The following ERC1 variants were observed in gnomAD, a reference collection of about 807,000 sequenced individuals.
ERC1 encodes the protein ELKS/RAB6-interacting/CAST family member 1.
ERC1 carries 56 observed loss-of-function variants against 132.0 expected under a neutral mutation model. The ratio of observed to expected loss-of-function variants is 0.42; its 90% CI spans 0.34 to 0.53. ERC1 has a LOEUF of 0.53. ERC1 is among the 20% of genes least tolerant of loss of function. The pLI, the probability that ERC1 is intolerant of heterozygous loss-of-function variation, is 0.03. For synonymous variants in ERC1, 478 were observed against 476.1 expected (o/e 1.00, Z -0.05); for missense variants, 1,202 against 1,349.9 (o/e 0.89, Z 1.72).
intron 2 of ERC1, among the ~76,000 whole-genome samples, chr12:1,047,518 A>G (rs543888625): frequency 1.3e-5 from 2 of 152,272 alleles, no homozygotes; most frequent in Non-Finnish European, 2.9e-5. Context: ...CTTTGGGTGG[A>G]GGAGGTAAGG....
At chr12:994,321 G>GT (rs1006548024) in intron 1 of ERC1, among the ~76,000 whole-genome samples, 30 of 150,830 alleles carry the variant, frequency 2.0e-4, no homozygotes, top group South Asian at 1.3e-3. Flanking sequence ...AATATAATTT[G>GT]TTTTTTTTTC....
chr12:1,312,174 T>C (rs1355289584), intron 15 of ERC1, among the ~76,000 whole-genome samples: 3 of 152,192 alleles, frequency 2.0e-5, no homozygotes, highest in Non-Finnish European at 4.4e-5. Context: ...ATCAGTGGTA[T>C]GATCACATAC....
At chr12:1,181,099 C>T (rs531995239) in intron 9 of ERC1, among the ~76,000 whole-genome samples, 4 of 152,192 alleles carry the variant, frequency 2.6e-5, no homozygotes, top group Non-Finnish European at 5.9e-5. Flanking sequence ...AGGCATGAGC[C>T]CCTGCACCTG....
rs114190350 is a variant in ERC1 at position 1,492,292 on chromosome 12, C to G, written c.*2062C>G. The G allele has an allele frequency of 6.2e-3, 1,437 of 233,246 alleles. 20 individuals carry two copies. The highest frequency in any genetic ancestry group is 0.03 in the African/African-American group (1,364 of 45,460). 14.4% of individuals were successfully genotyped at this position (233,246 alleles called of 1,614,324 possible). ...ACCTCAATTCTGTTCATTGCAGTGC[C>G]CGTAAACCATGTAGAAAGCTCCCAG... is the stretch of plus-strand genomic sequence containing the variant. On this transcript the variant is annotated 3_prime_UTR_variant, in exon 19 of 19. Transcript: ENST00000360905.
intron 12 of ERC1, among the ~76,000 whole-genome samples, chr12:1,193,542 ATATT>A (rs1185076348): frequency 6.6e-6 from 1 of 152,026 alleles, no homozygotes; most frequent in Non-Finnish European, 1.5e-5. Flanking sequence ...ATATTTATAT[ATATT>A]AATATATGCC....
intron 14 of ERC1, among the ~76,000 whole-genome samples, chr12:1,266,769 G>A (rs748788037): frequency 7.9e-5 from 12 of 152,098 alleles, no homozygotes; most frequent in Admixed American, 2.0e-4. Context: ...TATGTACTGA[G>A]ATAATCTACA....
chr12:1,094,021 A>AT (rs1943677067), intron 3 of ERC1, among the ~76,000 whole-genome samples: 1 of 119,154 alleles, frequency 8.4e-6, no homozygotes, highest in African/African-American at 2.8e-5. Context: ...TTTAAAAAGA[A>AT]ATTTTTTTTT....
chr12:1,409,015 C>G (rs1024072782), intron 17 of ERC1, among the ~76,000 whole-genome samples: 2 of 152,112 alleles, frequency 1.3e-5, no homozygotes, highest in Non-Finnish European at 2.9e-5. Context: ...GTAATCACAT[C>G]CATATGACTA....
rs566252473 is a variant in ERC1, at chr12:1,190,206, G to GT, written c.2351+155dup. ...TAGCTGCCTTTTTTCTAGGTCAGTT[G>GT]TACGTTCTTTGTTGAGGTGTCTGAA... On this transcript the variant is annotated intron_variant, in intron 12 of 18. Transcript: ENST00000360905. 1.4e-3 allele frequency: 1,072 copies of GT among 784,774 alleles called. 1 individual carries two copies. The highest frequency in any genetic ancestry group is 2.1e-3 in the Non-Finnish European group (914 of 435,332). 48.6% of individuals were successfully genotyped at this position (784,774 alleles called of 1,614,324 possible).
At chr12:1,052,541 A>T (rs980768009) in intron 2 of ERC1, among the ~76,000 whole-genome samples, 125 of 152,252 alleles carry the variant, frequency 8.2e-4, no homozygotes, top group African/African-American at 2.9e-3. Context: ...TATAACACCG[A>T]AGAGAAAATA....
intron 12 of ERC1, among the ~76,000 whole-genome samples, chr12:1,224,848 AGGC>A (rs1394929158): frequency 6.6e-6 from 1 of 151,766 alleles, no homozygotes; most frequent in African/African-American, 2.4e-5. Flanking sequence ...AAAATTAGCC[AGGC>A]ATGGTGGCAT....
intron 8 of ERC1, among the ~76,000 whole-genome samples, chr12:1,164,307 A>ATTTTATTT (rs1566120953): frequency 7.4e-6 from 1 of 134,734 alleles, no homozygotes; most frequent in African/African-American, 2.9e-5. Context: ...ATTTTATTTT[A>ATTTTATTT]TGTTATTTTA....
intron 8 of ERC1, among the ~76,000 whole-genome samples, chr12:1,162,922 T>A (rs528909157): frequency 2.6e-5 from 4 of 152,322 alleles, no homozygotes; most frequent in African/African-American, 9.6e-5. Flanking sequence ...AATTGTCTAA[T>A]AGAACTCACT....
intron 15 of ERC1, among the ~76,000 whole-genome samples, chr12:1,340,952 G>T (rs1179446293): frequency 6.6e-6 from 1 of 151,710 alleles, no homozygotes; most frequent in Non-Finnish European, 1.5e-5. Flanking sequence ...TTCATTCTAA[G>T]GGGTACATTG....
chr12:1,090,860 GTTGTTGTTATTATTA>G lies in ERC1; in HGVS notation c.1086+7283_1086+7297del, dbSNP rs1265991805. On this transcript the variant is annotated intron_variant, in intron 3 of 18. Transcript: ENST00000360905. ...TATTATTATTATTGTTGTTGTTGTT[GTTGTTGTTATTATTA>G]TTATTATTATTATTATTATTATTAT... 6.5e-4 allele frequency among the ~76,000 whole-genome samples: 40 copies of G among 61,986 alleles called. 16 individuals are homozygous for G. Among genetic ancestry groups the G allele is most frequent in the African/African-American group, 2.2e-3 (38 of 17,308 alleles). 40.7% of individuals were successfully genotyped at this position (61,986 alleles called of 152,430 possible). A position where few individuals can be genotyped will look rare whatever the true frequency, so the allele number is the denominator to read the frequency against.
chr12:1,000,144 T>G (rs1961913667), intron 1 of ERC1, among the ~76,000 whole-genome samples: 1 of 152,200 alleles, frequency 6.6e-6, no homozygotes, highest in Non-Finnish European at 1.5e-5. Flanking sequence ...AGTTTCATTT[T>G]TTCTCATTGT....
chr12:1,096,566 A>G (rs35125997), intron 3 of ERC1, among the ~76,000 whole-genome samples: 3,079 of 152,316 alleles, frequency 0.02, 83 homozygotes, highest in Non-Finnish European at 0.023. Context: ...AACAGATTCA[A>G]CATGGACAAA....
chr12:1,147,573 T>G (rs1317066974), intron 8 of ERC1, among the ~76,000 whole-genome samples: 1 of 152,232 alleles, frequency 6.6e-6, no homozygotes, highest in Non-Finnish European at 1.5e-5. Flanking sequence ...ACCAGACAAC[T>G]TTTAGTGGAT....
At chr12:1,039,458 A>C (rs886930639) in intron 2 of ERC1, among the ~76,000 whole-genome samples, 9 of 151,830 alleles carry the variant, frequency 5.9e-5, no homozygotes, top group Non-Finnish European at 1.3e-4. Flanking sequence ...TGACCGCAGG[A>C]GGTGGAAGCT....
Sources: allele counts gnomAD v4.1 joint callset (sites outside exome capture counted in the v4.1 genomes callset), GRCh38; gene constraint gnomAD v4.1.1; transcripts MANE v1.5; gene names NCBI Gene and HGNC (gene_info 2026-07-23, HGNC 2026-07-21).